Variants in RAB27B observed in about 807,000 individuals in gnomAD.
RAB27B encodes the protein ras-related protein Rab-27B.
RAB27B carries 15 observed loss-of-function variants against 24.6 expected under a neutral mutation model. The ratio of observed to expected loss-of-function variants is 0.61; its 90% confidence interval spans 0.41 to 0.94. RAB27B has a LOEUF of 0.94. Ranked by LOEUF, RAB27B falls within the 40% of genes least tolerant of loss-of-function variation. The probability of loss-of-function intolerance (pLI) is 0.00; values close to 1 mark genes in which losing one functional copy is unlikely to be tolerated. For missense variants in RAB27B, 261 were observed against 266.8 expected, an observed-to-expected ratio of 0.98 and a Z score of 0.15; for synonymous variants, 105 against 92.5, an observed-to-expected ratio of 1.14 and a Z score of -0.78.
intron 2 of RAB27B, among the ~76,000 whole-genome samples, chr18:54,759,304 T>G (rs1172270371): frequency 6.6e-6 from 1 of 152,252 alleles, no homozygotes; most frequent in Non-Finnish European, 1.5e-5. Flanking sequence ...ACATTTTGTT[T>G]AAAACACACT....
chr18:54,742,860 A>C (rs547315703), intron 2 of RAB27B, among the ~76,000 whole-genome samples: 2 of 152,296 alleles, frequency 1.3e-5, no homozygotes, highest in African/African-American at 2.4e-5. Context: ...CATGACTCCT[A>C]AAGTGTGCAG....
At chr18:54,792,066 C>G (rs1355642604) in intron 2 of RAB27B, among the ~76,000 whole-genome samples, 3 of 152,182 alleles carry the variant, frequency 2.0e-5, no homozygotes, top group African/African-American at 7.2e-5. Context: ...ATACAGAAAG[C>G]CCTCTGTCCT....
At position 54,817,627 on chromosome 18, in the gene RAB27B, A is replaced by G. The variant is rs147948690; in HGVS notation, c.-19-59940A>G. On this transcript the variant is annotated intron_variant, in intron 2 of 4. Coordinates refer to the RAB27B transcript ENST00000586570. ...AAGTATACCAAGTATTAGAATATGT[A>G]TCTATTTGATTAGTTGCATTAGTTG... Among the ~76,000 whole-genome samples, 11 of 152,210 alleles carry G rather than the reference A, an allele frequency of 7.2e-5. No homozygotes were observed. In the East Asian group the frequency reaches 1.9e-3, roughly 27 times the overall value.
intron 1 of RAB27B, among the ~76,000 whole-genome samples, chr18:54,844,408 C>CTTTTTTTTTTTTTTTTTTTTTTTT (rs148747981): frequency 9.3e-6 from 1 of 107,880 alleles, no homozygotes; most frequent in Non-Finnish European, 1.9e-5. Flanking sequence ...CTTTTCTTTT[C>CTTTTTTTTTTTTTTTTTTTTTTTT]TTTTTTTTTT....
chr18:54,889,588 A>C lies in RAB27B; in HGVS notation c.*175A>C. ...TCAACAGTGTTCAAAAGAATTGACT[A>C]GTTATCCCTGAGGCCCTTTCAAACA... On this transcript the variant is annotated 3_prime_UTR_variant, in exon 6 of 6. Transcript: ENST00000262094. 3 of 578,850 alleles carry C rather than the reference A, an allele frequency of 5.2e-6. No homozygotes were observed. The highest frequency in any genetic ancestry group is 8.6e-6 in the Non-Finnish European group (3 of 348,512). 35.9% of individuals were successfully genotyped at this position (578,850 alleles called of 1,614,324 possible).
intron 2 of RAB27B, among the ~76,000 whole-genome samples, chr18:54,761,969 C>G (rs1908203609): frequency 6.6e-6 from 1 of 152,036 alleles, no homozygotes; most frequent in Non-Finnish European, 1.5e-5. Context: ...TTAGGATGGG[C>G]TCCAAATCCA....
chr18:54,757,065 G>T (rs1417215398), intron 2 of RAB27B, among the ~76,000 whole-genome samples: 2 of 152,174 alleles, frequency 1.3e-5, no homozygotes, highest in Non-Finnish European at 2.9e-5. Flanking sequence ...TTAGGCTCAA[G>T]GTTGCTGGTC....
At chr18:54,737,760 C>T (rs1909942787) in intron 2 of RAB27B, among the ~76,000 whole-genome samples, 1 of 152,082 alleles carries the variant, frequency 6.6e-6, no homozygotes, top group South Asian at 2.1e-4. Flanking sequence ...GAATTTTTCA[C>T]TTCAAATGGA....
chr18:54,738,786 A>C (rs570393210), intron 2 of RAB27B, among the ~76,000 whole-genome samples: 13 of 152,284 alleles, frequency 8.5e-5, no homozygotes, highest in South Asian at 2.1e-4. Flanking sequence ...AACTTACTTG[A>C]ATGTTTTTCA....
At position 54,798,690 on chromosome 18, in the gene RAB27B, A is replaced by G. The variant is rs1909499963; in HGVS notation, c.-19-78877A>G. ...CAAAGCACTACTTAATATGAAGATG[A>G]TAGGACTTGGAGATTCTGAAACTTC... On this transcript the variant is annotated intron_variant, in intron 2 of 4. Coordinates refer to the RAB27B transcript ENST00000586570. Among the ~76,000 whole-genome samples, 3 of 152,268 alleles carry G rather than the reference A, an allele frequency of 2.0e-5. No homozygotes were observed. The South Asian group carries it at 6.2e-4, about 32-fold the overall frequency.
At position 54,895,453 on chromosome 18, in the gene RAB27B, G is replaced by A. The variant is rs1216411991; in HGVS notation, c.*6040G>A. 2 of 152,068 alleles carry A rather than the reference G, an allele frequency of 1.3e-5. No individual in the cohort carries two copies. The highest frequency in any genetic ancestry group is 2.9e-5 in the Non-Finnish European group (2 of 67,984). The allele number at this position is 152,068 out of a possible 1,614,324, so 9.4% of individuals were successfully genotyped here. A position where few individuals can be genotyped will look rare whatever the true frequency, so the allele number is the denominator to read the frequency against. On this transcript the variant is annotated 3_prime_UTR_variant, in exon 6 of 6. Transcript: ENST00000262094. ...GTGTCTGGCTATGAATACTATGGTT[G>A]AGAATTGTATTCAGTGATTGTTTCT...
intron 1 of RAB27B, among the ~76,000 whole-genome samples, chr18:54,875,236 G>A (rs974509490): frequency 1.3e-5 from 2 of 152,128 alleles, no homozygotes; most frequent in African/African-American, 4.8e-5. Flanking sequence ...TGAGTTGGGA[G>A]GATCACCTAA....
intron 2 of RAB27B, among the ~76,000 whole-genome samples, chr18:54,762,598 C>G (rs1413568077): frequency 6.6e-6 from 1 of 152,164 alleles, no homozygotes; most frequent in African/African-American, 2.4e-5. Flanking sequence ...GCTATTTCCT[C>G]TCTTGGGAGT....
intron 2 of RAB27B, among the ~76,000 whole-genome samples, chr18:54,779,256 A>G (rs1908815095): frequency 1.3e-5 from 2 of 152,178 alleles, no homozygotes; most frequent in Non-Finnish European, 2.9e-5. Context: ...CTCACCATTG[A>G]GCAATATAAG....
intron 2 of RAB27B, among the ~76,000 whole-genome samples, chr18:54,751,828 G>A (rs982199170): frequency 3.3e-5 from 5 of 152,152 alleles, no homozygotes; most frequent in Non-Finnish European, 7.4e-5. Flanking sequence ...AAGCAGTTGA[G>A]GAGATGACAC....
rs530423033 is a variant in RAB27B at position 54,770,140 on chromosome 18, C to G, written c.-20+51999C>G. 7.6e-4 allele frequency among the ~76,000 whole-genome samples: 115 copies of G among 152,284 alleles called. 1 individual carries two copies. Among genetic ancestry groups the G allele is most frequent in the African/African-American group, 2.7e-3 (114 of 41,578 alleles). On this transcript the variant is annotated intron_variant, in intron 2 of 4. Coordinates refer to the RAB27B transcript ENST00000586570. ...AATTACACGTGTGAGCCACCACACCCAGCCATCATACAGTAAGTTCTATGT... is the reference window on the plus strand; with the variant it reads ...AATTACACGTGTGAGCCACCACACCGAGCCATCATACAGTAAGTTCTATGT...
At chr18:54,757,895 T>A (rs894717976) in intron 2 of RAB27B, among the ~76,000 whole-genome samples, 3 of 152,022 alleles carry the variant, frequency 2.0e-5, no homozygotes, top group African/African-American at 4.8e-5. Flanking sequence ...CAAATTCTTT[T>A]AAAAATTGAC....
intron 2 of RAB27B, among the ~76,000 whole-genome samples, chr18:54,760,377 A>G (rs771356310): frequency 2.0e-5 from 3 of 152,180 alleles, no homozygotes; most frequent in Non-Finnish European, 2.9e-5. Flanking sequence ...ATCTAGGTAG[A>G]GGATGTAGGG....
chr18:54,879,619 A>G lies in RAB27B; in HGVS notation c.239+165A>G, dbSNP rs181096680. ...AAAAATAAATGATTTGTAATTAATT[A>G]ATCACAGTAGCACTGTGCAGTTGGT... On this transcript the variant is annotated intron_variant, in intron 3 of 5. Coordinates refer to ENST00000262094, the MANE Select transcript of RAB27B (RefSeq NM_004163.4). 1,056 of 639,808 alleles carry G rather than the reference A, an allele frequency of 1.7e-3. 13 individuals are homozygous for G. The highest frequency in any genetic ancestry group is 4.7e-4 in the East Asian group (17 of 35,948). 39.6% of individuals were successfully genotyped at this position (639,808 alleles called of 1,614,324 possible).
Sources: gnomAD v4.1 joint callset for allele counts (sites outside exome capture counted in the v4.1 genomes callset) on GRCh38, gnomAD v4.1.1 for gene constraint, MANE v1.5 for transcripts, NCBI Gene and HGNC (gene_info 2026-07-23, HGNC 2026-07-21) for gene names.